The following CRIM1 variants were observed in gnomAD, a reference collection of about 807,000 sequenced individuals.
CRIM1 encodes the protein cysteine rich transmembrane BMP regulator 1, also known as cysteine-rich motor neuron 1 protein.
In CRIM1, 32 loss-of-function variants were observed where a neutral mutation model predicts 116.4. That is an observed-to-expected ratio of 0.27 (90% CI 0.21 to 0.37). The LOEUF (loss-of-function observed/expected upper bound fraction) is 0.37. Among genes scored for constraint, CRIM1 ranks in the 10% least tolerant of loss-of-function variants. The probability of loss-of-function intolerance (pLI) is 1.00; values close to 1 mark genes in which losing one functional copy is unlikely to be tolerated. For missense variants in CRIM1, 1,331 were observed against 1,354.8 expected (o/e 0.98, Z 0.28); for synonymous variants, 590 against 509.2 (o/e 1.16, Z -2.13).
At chr2:36,470,433 C>T (rs1558339195) in intron 5 of CRIM1, among the ~76,000 whole-genome samples, 1 of 152,234 alleles carries the variant, frequency 6.6e-6, no homozygotes, top group East Asian at 1.9e-4. Context: ...GCAGTCAATG[C>T]CTGGCTTCAA....
At chr2:36,477,903 G>A (rs1026109932) in intron 6 of CRIM1, among the ~76,000 whole-genome samples, 1 of 152,176 alleles carries the variant, frequency 6.6e-6, no homozygotes, top group Non-Finnish European at 1.5e-5. Flanking sequence ...CCCCGTGCCT[G>A]ACTGTGTCTA....
intron 5 of CRIM1, among the ~76,000 whole-genome samples, chr2:36,473,305 G>A (rs1307408316): frequency 6.6e-6 from 1 of 152,150 alleles, no homozygotes; most frequent in Non-Finnish European, 1.5e-5. Flanking sequence ...GGCAGATTGA[G>A]CAGGGCTCAT....
In CRIM1 at chr2:36,448,816, A is replaced by G. The variant is rs1676458014; in HGVS notation, c.869+6081A>G. Among the ~76,000 whole-genome samples, 5 of 152,310 alleles carry G rather than the reference A, an allele frequency of 3.3e-5. No individual in the cohort carries two copies. The South Asian group carries it at 1.0e-3, about 32-fold the overall frequency. ...AGAAATAAATTAAGTCATTGTTTAT[A>G]ATGTCCAAAAACTTAAAATAGAGTT... is the stretch of plus-strand genomic sequence containing the variant. On this transcript the variant is annotated intron_variant, in intron 4 of 16. Coordinates refer to ENST00000280527, the MANE Select transcript of CRIM1 (RefSeq NM_016441.3).
In CRIM1 at chr2:36,537,666, C is replaced by T. The variant is rs868207428; in HGVS notation, c.2623+120C>T. On this transcript the variant is annotated intron_variant, in intron 14 of 16. Transcript: ENST00000280527. The stretch of plus-strand genomic sequence containing the variant: ...CACACGGCCCAAGTAGCGTGTCAGG[C>T]CCAGTTAGCGCCTCCACCCAAAGAC... 19 of 1,122,282 alleles carry T rather than the reference C, an allele frequency of 1.7e-5. No homozygotes were observed. In the Middle Eastern group the frequency reaches 1.4e-3, roughly 83 times the overall value. The allele number at this position is 1,122,282 out of a possible 1,614,324, so 69.5% of individuals were successfully genotyped here.
intron 1 of CRIM1, among the ~76,000 whole-genome samples, chr2:36,387,387 A>G (rs17018672): frequency 0.014 from 2,157 of 152,332 alleles, 43 homozygotes; most frequent in African/African-American, 0.047. Flanking sequence ...ATATCCTTTG[A>G]AGCTGGATAA....
chr2:36,380,354 T>C (rs1572598562), intron 1 of CRIM1, among the ~76,000 whole-genome samples: 2 of 152,178 alleles, frequency 1.3e-5, no homozygotes, highest in African/African-American at 4.8e-5. Context: ...CACTATGTCA[T>C]GGTACTCTGC....
In CRIM1 at chr2:36,405,231, A is replaced by C. The variant is rs1368907272; in HGVS notation, c.505+8444A>C. Among the ~76,000 whole-genome samples, 8 of 152,320 alleles carry C rather than the reference A, an allele frequency of 5.3e-5. No homozygotes were observed. In the East Asian group the frequency reaches 1.3e-3, roughly 26 times the overall value. Reference sequence around the variant, plus strand: ...CACAGAAAACACCCAAGTAAATGTGATCTGGTGGAGCTGGGAGTATTAGCA... The same window carrying C: ...CACAGAAAACACCCAAGTAAATGTGCTCTGGTGGAGCTGGGAGTATTAGCA... On this transcript the variant is annotated intron_variant, in intron 2 of 16. Coordinates refer to ENST00000280527, the MANE Select transcript of CRIM1 (RefSeq NM_016441.3).
At chr2:36,464,170 C>T (rs145414883) in intron 4 of CRIM1, among the ~76,000 whole-genome samples, 124 of 152,284 alleles carry the variant, frequency 8.1e-4, no homozygotes, top group African/African-American at 2.9e-3. Context: ...GTGCAAGCAT[C>T]GATTCACAGA....
chr2:36,371,956 T>A (rs911895030), intron 1 of CRIM1, among the ~76,000 whole-genome samples: 7 of 152,234 alleles, frequency 4.6e-5, no homozygotes, highest in African/African-American at 1.4e-4. Context: ...ACTTCTGAAT[T>A]CTCAGCTAAT....
intron 1 of CRIM1, among the ~76,000 whole-genome samples, chr2:36,360,641 G>A (rs1255560657): frequency 6.6e-6 from 1 of 152,164 alleles, no homozygotes; most frequent in Non-Finnish European, 1.5e-5. Flanking sequence ...AGTCAGTGAA[G>A]ATGATGGCTG....
intron 16 of CRIM1, 27 bp from the exon 17 acceptor site, chr2:36,548,492 TTTTGTG>T: frequency 6.7e-7 from 1 of 1,500,526 alleles, no homozygotes; most frequent in Non-Finnish European, 8.9e-7. Flanking sequence ...GCAACTAATT[TTTTGTG>T]GTTTTATTCC....
chr2:36,429,543 C>T (rs534685192), intron 2 of CRIM1, among the ~76,000 whole-genome samples: 35 of 152,242 alleles, frequency 2.3e-4, no homozygotes, highest in African/African-American at 7.0e-4. Flanking sequence ...TCCTCTATAC[C>T]TTGAGCCAGC....
intron 1 of CRIM1, among the ~76,000 whole-genome samples, chr2:36,376,614 A>G (rs572837839): frequency 6.6e-6 from 1 of 152,160 alleles, no homozygotes; most frequent in Admixed American, 6.5e-5. Flanking sequence ...TGCTGGCTGG[A>G]TTTGTTTATG....
intron 1 of CRIM1, among the ~76,000 whole-genome samples, chr2:36,364,925 A>G (rs535445740): frequency 2.5e-4 from 38 of 152,038 alleles, no homozygotes; most frequent in African/African-American, 8.4e-4. Flanking sequence ...TTTCCATTCT[A>G]TTTTCTATCC....
At chr2:36,533,285 G>A (rs921389002) in intron 13 of CRIM1, among the ~76,000 whole-genome samples, 1 of 152,150 alleles carries the variant, frequency 6.6e-6, no homozygotes, top group Admixed American at 6.5e-5. Flanking sequence ...AGTGTATCTA[G>A]GAAAAGAAAT....
At position 36,548,863 on chromosome 2, in the gene CRIM1, C is replaced by G. The variant is rs1667544273; in HGVS notation, c.*162C>G. 1 of 453,230 alleles carries G rather than the reference C, an allele frequency of 2.2e-6. No homozygotes were observed. Among genetic ancestry groups the G allele is most frequent in the Non-Finnish European group, 3.8e-6 (1 of 262,522 alleles). 28.1% of individuals were successfully genotyped at this position (453,230 alleles called of 1,614,324 possible). A position where few individuals can be genotyped will look rare whatever the true frequency, so the allele number is the denominator to read the frequency against. On this transcript the variant is annotated 3_prime_UTR_variant, in exon 17 of 17. Coordinates refer to ENST00000280527, the MANE Select transcript of CRIM1 (RefSeq NM_016441.3). ...GATGGGCTCTGTCTACAGCAATGTG[C>G]AGAACAAGCATTCCCACTTTTCCTC... is the stretch of plus-strand genomic sequence containing the variant.
chr2:36,378,806 G>GTT (rs35770990), intron 1 of CRIM1: 1,544 of 118,896 alleles, frequency 0.013, 92 homozygotes, highest in African/African-American at 0.048. Context: ...GTTGTTTTCG[G>GTT]TTTTTTTTTT....
intron 1 of CRIM1, among the ~76,000 whole-genome samples, chr2:36,363,865 C>A (rs1410249231): frequency 6.6e-6 from 1 of 152,142 alleles, no homozygotes; most frequent in Non-Finnish European, 1.5e-5. Flanking sequence ...GGCTATGGTT[C>A]CAACCTGCTG....
chr2:36,367,873 T>C (rs919961542), intron 1 of CRIM1, among the ~76,000 whole-genome samples: 1 of 152,332 alleles, frequency 6.6e-6, no homozygotes, highest in African/African-American at 2.4e-5. Context: ...ACCTCTCTTA[T>C]GTGTTTGCTG....
Sources: gnomAD v4.1 joint callset for allele counts (sites outside exome capture counted in the v4.1 genomes callset) on GRCh38, gnomAD v4.1.1 for gene constraint, MANE v1.5 for transcripts, NCBI Gene and HGNC (gene_info 2026-07-23, HGNC 2026-07-21) for gene names.